The following COL23A1 variants were observed in gnomAD, a reference collection of about 807,000 sequenced individuals.
The protein encoded by COL23A1 is collagen type XXIII alpha 1 chain.
A neutral mutation model predicts 99.3 loss-of-function variants in COL23A1; 97 were observed. The observed-to-expected ratio is 0.98, with a 90% CI of 0.83 to 1.16. COL23A1 has a LOEUF of 1.16. Ranked by LOEUF, COL23A1 falls within the 50% of genes most tolerant of loss-of-function variation. The pLI is 0.00. For synonymous variants in COL23A1, 320 were observed against 308.2 expected (o/e 1.04, Z -0.40); for missense variants, 762 against 757.4 (o/e 1.01, Z -0.07).
At chr5:178,275,599 C>T (rs977373690) in intron 5 of COL23A1, among the ~76,000 whole-genome samples, 2 of 152,152 alleles carry the variant, frequency 1.3e-5, no homozygotes, top group African/African-American at 4.8e-5. Context: ...CTCCCTGACC[C>T]CTTCTCGGAA....
At chr5:178,357,774 GTGTATGTGTATGTGTGTGTGTA>G (rs1761761747) in intron 2 of COL23A1, among the ~76,000 whole-genome samples, 1 of 143,554 alleles carries the variant, frequency 7.0e-6, no homozygotes, top group Non-Finnish European at 1.5e-5. Flanking sequence ...GTATGTATGT[GTGTATGTGTATGTGTGTGTGTA>G]TGTGTGTGTG....
chr5:178,402,979 G>A (rs1764532592), intron 2 of COL23A1, among the ~76,000 whole-genome samples: 1 of 151,348 alleles, frequency 6.6e-6, no homozygotes, highest in African/African-American at 2.4e-5. Flanking sequence ...GTGGCAGTGT[G>A]CACCCACAGT....
intron 2 of COL23A1, among the ~76,000 whole-genome samples, chr5:178,324,859 G>A (rs1172372543): frequency 1.7e-4 from 26 of 152,194 alleles, no homozygotes; most frequent in Admixed American, 1.6e-3. Context: ...GGAGCTCGGC[G>A]GGGGTTGCAG....
At chr5:178,522,254 G>A (rs1759988156) in intron 2 of COL23A1, among the ~76,000 whole-genome samples, 3 of 152,118 alleles carry the variant, frequency 2.0e-5, no homozygotes, top group Admixed American at 2.0e-4. Context: ...ATGTAATTTG[G>A]GGGCAGGAGA....
Position 178,281,497 on chromosome 5 carries a change from C to T in COL23A1, c.441+6827G>A, listed in dbSNP as rs1248348666. Among the ~76,000 whole-genome samples, 2 of 152,216 alleles carry T rather than the reference C, an allele frequency of 1.3e-5. No homozygotes were observed. The highest frequency in any genetic ancestry group is 2.4e-5 in the African/African-American group (1 of 41,550). On this transcript the variant is annotated intron_variant, in intron 5 of 28. Coordinates refer to ENST00000390654, the MANE Select transcript of COL23A1 (RefSeq NM_173465.4). This position sits in a 1 kb window ranked among gnomAD's most constrained non-coding sequence, Gnocchi z 4.0. ...GAGGCCGGAGATGAAGTGCAGTCACCGCTCCCTCGACTCCAGAGGGGCTTG... is the reference window on the plus strand; with the variant it reads ...GAGGCCGGAGATGAAGTGCAGTCACTGCTCCCTCGACTCCAGAGGGGCTTG...
chr5:178,577,159 T>A (rs1763415584), intron 1 of COL23A1, among the ~76,000 whole-genome samples: 1 of 152,150 alleles, frequency 6.6e-6, no homozygotes, highest in Non-Finnish European at 1.5e-5. Context: ...GTCCCTGCTC[T>A]GCCGTCCGGG....
At chr5:178,553,353 T>C (rs1387502300) in intron 2 of COL23A1, among the ~76,000 whole-genome samples, 1 of 152,182 alleles carries the variant, frequency 6.6e-6, no homozygotes, top group East Asian at 1.9e-4. Flanking sequence ...AACTTCCACA[T>C]TGTGCTTTCT....
rs1266591019 is a variant in COL23A1 at position 178,523,209 on chromosome 5, GA to G, written c.361+37472del. Reference sequence around the variant, plus strand: ...ATATATATATATATATATAGAGAGAGAGAGAGAGAGAGAGAGACAGAGGGAG... The same window carrying G: ...ATATATATATATATATATAGAGAGAGGAGAGAGAGAGAGAGACAGAGGGAG... On this transcript the variant is annotated intron_variant, in intron 2 of 28. Coordinates refer to ENST00000390654, the MANE Select transcript of COL23A1 (RefSeq NM_173465.4). Among the ~76,000 whole-genome samples, 196 of 109,638 alleles carry G rather than the reference GA, an allele frequency of 1.8e-3. 3 individuals carry two copies. The highest frequency in any genetic ancestry group is 5.9e-3 in the African/African-American group (181 of 30,622). The allele number at this position is 109,638 out of a possible 152,430, so 71.9% of individuals were successfully genotyped here. A position where few individuals can be genotyped will look rare whatever the true frequency, so the allele number is the denominator to read the frequency against.
At chr5:178,301,606 C>T (rs554113514) in intron 3 of COL23A1, among the ~76,000 whole-genome samples, 3 of 152,216 alleles carry the variant, frequency 2.0e-5, no homozygotes, top group Non-Finnish European at 4.4e-5. Flanking sequence ...ATTGTTGTTG[C>T]TCTCCGTTGA....
chr5:178,321,480 C>CATTTTTTT (rs761651933), intron 2 of COL23A1, among the ~76,000 whole-genome samples: 1 of 109,040 alleles, frequency 9.2e-6, no homozygotes, highest in African/African-American at 4.0e-5. Flanking sequence ...GTCACCTTCC[C>CATTTTTTT]TTTTTTTTTT....
At chr5:178,433,350 G>C (rs925683090) in intron 2 of COL23A1, among the ~76,000 whole-genome samples, 4 of 152,194 alleles carry the variant, frequency 2.6e-5, no homozygotes, top group African/African-American at 9.7e-5. Flanking sequence ...GCCAGATGAG[G>C]GGGTCCACAG....
intron 2 of COL23A1, among the ~76,000 whole-genome samples, chr5:178,398,048 G>A (rs990323728): frequency 2.0e-5 from 3 of 152,170 alleles, no homozygotes; most frequent in African/African-American, 7.2e-5. Context: ...CACTGCCTGG[G>A]TCTGATGCCG....
At chr5:178,260,593 G>A (rs542547551) in intron 11 of COL23A1, among the ~76,000 whole-genome samples, 9 of 152,266 alleles carry the variant, frequency 5.9e-5, no homozygotes, top group East Asian at 3.9e-4. Flanking sequence ...TCAGAAGTTC[G>A]AGGCCAGCCT....
chr5:178,481,747 T>G (rs1355882998), intron 2 of COL23A1, among the ~76,000 whole-genome samples: 4 of 151,574 alleles, frequency 2.6e-5, no homozygotes, highest in Non-Finnish European at 1.5e-5. Flanking sequence ...TTCGGGGAAG[T>G]TGGTGCATGA....
intron 3 of COL23A1, among the ~76,000 whole-genome samples, chr5:178,302,081 T>C (rs1248092385): frequency 7.2e-6 from 1 of 138,858 alleles, no homozygotes; most frequent in South Asian, 2.4e-4. Context: ...TGCCGCTCTG[T>C]GTGTGCCGGA....
At chr5:178,531,860 T>C (rs1760669864) in intron 2 of COL23A1, among the ~76,000 whole-genome samples, 2 of 152,208 alleles carry the variant, frequency 1.3e-5, no homozygotes, top group Admixed American at 1.3e-4. Context: ...ACGCTCCCTC[T>C]GGCCAGTGCA....
At chr5:178,391,596 T>TG (rs532035202) in intron 2 of COL23A1, among the ~76,000 whole-genome samples, 1 of 152,086 alleles carries the variant, frequency 6.6e-6, no homozygotes, top group Non-Finnish European at 1.5e-5. Context: ...TTGGTGAGGA[T>TG]GGGGGGAAAC....
intron 2 of COL23A1, among the ~76,000 whole-genome samples, chr5:178,467,651 C>A (rs769711897): frequency 6.6e-6 from 1 of 152,188 alleles, no homozygotes; most frequent in Non-Finnish European, 1.5e-5. Flanking sequence ...ATCCCCACCC[C>A]ACGGCACACC....
At chr5:178,285,811 C>G (rs993959985) in intron 5 of COL23A1, among the ~76,000 whole-genome samples, 3 of 152,238 alleles carry the variant, frequency 2.0e-5, no homozygotes, top group Admixed American at 1.3e-4. Flanking sequence ...CAAATATACC[C>G]CAGGCTGAGA....
Sources: gnomAD v4.1 joint callset for allele counts (sites outside exome capture counted in the v4.1 genomes callset) on GRCh38, gnomAD v4.1.1 for gene constraint, Gnocchi (gnomAD v3.1) non-coding constraint, MANE v1.5 for transcripts, NCBI Gene and HGNC (gene_info 2026-07-23, HGNC 2026-07-21) for gene names.